Variants in NTRK3 observed in about 807,000 individuals in gnomAD.
NTRK3 encodes the protein neurotrophic receptor tyrosine kinase 3, also known as NT-3 growth factor receptor.
In NTRK3, 24 loss-of-function variants were observed where a neutral mutation model predicts 91.7. The observed-to-expected ratio is 0.26, with a 90% CI of 0.19 to 0.37. The LOEUF (loss-of-function observed/expected upper bound fraction) is 0.37, where lower values mean the gene tolerates loss of function less well. Ranked by LOEUF, NTRK3 falls within the 10% of genes least tolerant of loss-of-function variation. The pLI is 1.00. For missense variants in NTRK3, 880 were observed against 1,068.9 expected, an observed-to-expected ratio of 0.82 and a Z score of 2.46; for synonymous variants, 483 against 404.0, an observed-to-expected ratio of 1.20 and a Z score of -2.34.
intron 13 of NTRK3, among the ~76,000 whole-genome samples, chr15:88,108,901 A>G (rs544947162): frequency 1.3e-5 from 2 of 152,304 alleles, no homozygotes; most frequent in South Asian, 2.1e-4. Flanking sequence ...CGTGCACCAT[A>G]AAGTTCGAGG....
intron 17 of NTRK3, among the ~76,000 whole-genome samples, chr15:87,924,387 C>A (rs974284817): frequency 1.5e-4 from 23 of 152,120 alleles, no homozygotes; most frequent in African/African-American, 4.8e-4. Context: ...TTTCTGGGAA[C>A]CCTGACCCAG....
chr15:88,117,377 T>A (rs2052210802), intron 13 of NTRK3, among the ~76,000 whole-genome samples: 1 of 152,198 alleles, frequency 6.6e-6, no homozygotes, highest in South Asian at 2.1e-4. Flanking sequence ...GTCACTCTCT[T>A]CCCCTACTAT....
At chr15:87,976,195 C>G (rs1205932739) in intron 14 of NTRK3, among the ~76,000 whole-genome samples, 1 of 152,170 alleles carries the variant, frequency 6.6e-6, no homozygotes, top group Non-Finnish European at 1.5e-5. Flanking sequence ...CATCCCTGTT[C>G]CAACTCTTTC....
At chr15:88,066,080 G>GT (rs1404183083) in intron 13 of NTRK3, among the ~76,000 whole-genome samples, 1 of 152,148 alleles carries the variant, frequency 6.6e-6, no homozygotes, top group Non-Finnish European at 1.5e-5. Flanking sequence ...AACTATCTGG[G>GT]TTTTTTCTCC....
At chr15:88,077,619 C>T (rs963411384) in intron 13 of NTRK3, among the ~76,000 whole-genome samples, 1 of 152,112 alleles carries the variant, frequency 6.6e-6, no homozygotes, top group Non-Finnish European at 1.5e-5. Flanking sequence ...AGGGGAACAA[C>T]GACGACGTTA....
intron 14 of NTRK3, among the ~76,000 whole-genome samples, chr15:87,967,878 G>T (rs777004138): frequency 1.3e-5 from 2 of 152,194 alleles, no homozygotes; most frequent in African/African-American, 2.4e-5. Context: ...ATGGAATTCT[G>T]ATGGACTTCT....
chr15:88,188,931 C>G (rs983443741), intron 3 of NTRK3, among the ~76,000 whole-genome samples: 3 of 152,202 alleles, frequency 2.0e-5, no homozygotes, highest in African/African-American at 7.2e-5. Flanking sequence ...ATGCTCCATT[C>G]AGAAAATCAG....
chr15:88,225,360 C>A (rs1012887460), intron 3 of NTRK3, among the ~76,000 whole-genome samples: 1 of 152,124 alleles, frequency 6.6e-6, no homozygotes, highest in African/African-American at 2.4e-5. Flanking sequence ...CTCTGTACTA[C>A]CCTGATCCTA....
chr15:87,922,357 G>A (rs2067946361), intron 17 of NTRK3, among the ~76,000 whole-genome samples: 1 of 152,142 alleles, frequency 6.6e-6, no homozygotes, highest in African/African-American at 2.4e-5. Context: ...ACCTTAGAGA[G>A]CATCTGATAA....
intron 15 of NTRK3, among the ~76,000 whole-genome samples, chr15:87,935,839 T>C (rs1417971751): frequency 1.3e-5 from 2 of 152,166 alleles, no homozygotes; most frequent in Non-Finnish European, 2.9e-5. Flanking sequence ...GGGTTCTTCA[T>C]TTGGGAGATG....
chr15:88,106,404 G>C (rs931933467), intron 13 of NTRK3, among the ~76,000 whole-genome samples: 1 of 152,156 alleles, frequency 6.6e-6, no homozygotes, highest in Admixed American at 6.5e-5. Flanking sequence ...ATGCAGCCTT[G>C]GGGCAAATGG....
chr15:88,110,866 T>C (rs568099948), intron 13 of NTRK3, among the ~76,000 whole-genome samples: 17 of 152,096 alleles, frequency 1.1e-4, no homozygotes, highest in African/African-American at 3.6e-4. Context: ...GCTACTGTGA[T>C]TACAGAGCAG....
chr15:88,090,085 C>G (rs184771740), intron 13 of NTRK3, among the ~76,000 whole-genome samples: 112 of 152,274 alleles, frequency 7.4e-4, no homozygotes, highest in Admixed American at 1.8e-3. Flanking sequence ...GTCTGTGAAG[C>G]CCTCCCCTCT....
intron 3 of NTRK3, among the ~76,000 whole-genome samples, chr15:88,250,525 G>A (rs2053241595): frequency 6.6e-6 from 1 of 152,230 alleles, no homozygotes; most frequent in Admixed American, 6.5e-5. Flanking sequence ...CGTTTCATAA[G>A]AGCTGGCCTG....
At chr15:88,152,813 C>CAGGTTCCAGCCACTAAGATCT (rs2043512373) in intron 5 of NTRK3, among the ~76,000 whole-genome samples, 1 of 152,218 alleles carries the variant, frequency 6.6e-6, no homozygotes, top group African/African-American at 2.4e-5. Flanking sequence ...GCCTCCCAAT[C>CAGGTTCCAGCCACTAAGATCT]AGGTTCCAGC....
chr15:87,943,748 C>T (rs1372029228), intron 14 of NTRK3, among the ~76,000 whole-genome samples: 1 of 152,060 alleles, frequency 6.6e-6, no homozygotes, highest in Admixed American at 6.6e-5. Flanking sequence ...GAGCAGCATC[C>T]AGGGAGTGGT....
intron 14 of NTRK3, among the ~76,000 whole-genome samples, chr15:87,957,549 G>A (rs1227718552): frequency 6.6e-6 from 1 of 152,158 alleles, no homozygotes; most frequent in Non-Finnish European, 1.5e-5. Flanking sequence ...GATCCTATAT[G>A]GAAATCATTT....
At chr15:87,890,722 T>C (rs1458897859) in intron 17 of NTRK3, among the ~76,000 whole-genome samples, 1 of 152,172 alleles carries the variant, frequency 6.6e-6, no homozygotes, top group Admixed American at 6.5e-5. Flanking sequence ...CAATAAATAG[T>C]CTTCATAGCA....
At chr15:87,979,000 A>G (rs2073967162) in intron 14 of NTRK3, 2 of 391,708 alleles carry the variant, frequency 5.1e-6, no homozygotes, top group South Asian at 7.1e-5. Context: ...TGTGATGGTT[A>G]GGTTGTTTTT....
Sources: gnomAD v4.1 joint callset for allele counts (sites outside exome capture counted in the v4.1 genomes callset) on GRCh38, gnomAD v4.1.1 for gene constraint, MANE v1.5 for transcripts, NCBI Gene and HGNC (gene_info 2026-07-23, HGNC 2026-07-21) for gene names.